The following ZSWIM6 variants were observed in gnomAD, a reference collection of about 807,000 sequenced individuals.
The protein encoded by ZSWIM6 is zinc finger SWIM-type containing 6.
A neutral mutation model predicts 113.2 loss-of-function variants in ZSWIM6; 9 were observed. That is an observed-to-expected ratio of 0.08 (90% CI 0.05 to 0.14). The LOEUF is 0.14. ZSWIM6 is among the 10% of genes least tolerant of loss of function. The probability of loss-of-function intolerance (pLI) is 1.00; values close to 1 mark genes in which losing one functional copy is unlikely to be tolerated. For missense variants in ZSWIM6, 1,162 were observed against 1,552.2 expected (o/e 0.75, Z 4.22); for synonymous variants, 611 against 606.5 (o/e 1.01, Z -0.11).
At chr5:61,333,011 G>GCCCCC in intron 1 of ZSWIM6, 63 bp downstream of exon 1, 6 of 1,003,744 alleles carry the variant, frequency 6.0e-6, no homozygotes, top group Non-Finnish European at 6.2e-6. Context: ...GGGGGGGGGT[G>GCCCCC]CCCGCCTTTC....
At chr5:61,481,575 A>G (rs1442751733) in intron 2 of ZSWIM6, among the ~76,000 whole-genome samples, 2 of 152,020 alleles carry the variant, frequency 1.3e-5, no homozygotes, top group African/African-American at 2.4e-5. Context: ...GTTTTTTACA[A>G]TATCTCTGGC....
chr5:61,395,121 A>G (rs1745811264), intron 1 of ZSWIM6, among the ~76,000 whole-genome samples: 1 of 152,222 alleles, frequency 6.6e-6, no homozygotes, highest in Admixed American at 6.5e-5. Context: ...AAGGGGGTAC[A>G]TTTATAATGC....
At chr5:61,540,916 G>GGTTT (rs1749711320) in intron 12 of ZSWIM6, among the ~76,000 whole-genome samples, 1 of 94,590 alleles carries the variant, frequency 1.1e-5, no homozygotes, top group South Asian at 3.7e-4. Context: ...TATTTTGTGG[G>GGTTT]TTTTTTTTTT....
At chr5:61,491,405 ATCTT>A (rs915792436) in intron 3 of ZSWIM6, among the ~76,000 whole-genome samples, 5 of 152,064 alleles carry the variant, frequency 3.3e-5, no homozygotes, top group Admixed American at 2.6e-4. Context: ...CAAGTTCTAG[ATCTT>A]TCTAAGTATA....
At chr5:61,379,185 GAAAAAAAAAAAAAA>G (rs1211778480) in intron 1 of ZSWIM6, among the ~76,000 whole-genome samples, 1 of 38,592 alleles carries the variant, frequency 2.6e-5, no homozygotes, top group African/African-American at 1.0e-4. Context: ...TCCTGTCTCT[GAAAAAAAAAAAAAA>G]AAAAAAAAAA....
At chr5:61,454,836 G>A (rs1330025685) in intron 1 of ZSWIM6, among the ~76,000 whole-genome samples, 2 of 151,474 alleles carry the variant, frequency 1.3e-5, no homozygotes, top group Admixed American at 1.3e-4. Flanking sequence ...CACCCACCTC[G>A]GCCTCCCAAA....
At chr5:61,408,524 G>C (rs935090815) in intron 1 of ZSWIM6, among the ~76,000 whole-genome samples, 8 of 152,172 alleles carry the variant, frequency 5.3e-5, no homozygotes, top group African/African-American at 1.7e-4. Context: ...TAATTAAATT[G>C]CCTCTTCAGC....
At chr5:61,341,033 G>T (rs936333748) in intron 1 of ZSWIM6, among the ~76,000 whole-genome samples, 2 of 152,252 alleles carry the variant, frequency 1.3e-5, no homozygotes, top group Non-Finnish European at 2.9e-5. Context: ...GTGTCACTAT[G>T]TCATTGATGA....
chr5:61,383,559 G>A (rs1262020356), intron 1 of ZSWIM6, among the ~76,000 whole-genome samples: 1 of 150,438 alleles, frequency 6.6e-6, no homozygotes, highest in Non-Finnish European at 1.5e-5. Context: ...TTTTTGAGAC[G>A]GAATCTCGCT....
chr5:61,511,181 G>A (rs866147034), intron 4 of ZSWIM6, among the ~76,000 whole-genome samples: 29 of 152,074 alleles, frequency 1.9e-4, no homozygotes, highest in Admixed American at 3.9e-4. Context: ...CTTTTAGGAT[G>A]AAACCTCTCT....
At chr5:61,540,653 G>T (rs1299923446) in intron 12 of ZSWIM6, among the ~76,000 whole-genome samples, 1 of 150,642 alleles carries the variant, frequency 6.6e-6, no homozygotes, top group East Asian at 1.9e-4. Flanking sequence ...GAAGTTTTTT[G>T]TTTTTTTTTA....
chr5:61,417,425 C>A (rs1746280084), intron 1 of ZSWIM6, among the ~76,000 whole-genome samples: 1 of 152,092 alleles, frequency 6.6e-6, no homozygotes. Flanking sequence ...CCCAAAGAAG[C>A]CTTCAAATGG....
At chr5:61,500,271 C>CGCT (rs1222724108) in intron 4 of ZSWIM6, among the ~76,000 whole-genome samples, 1 of 151,880 alleles carries the variant, frequency 6.6e-6, no homozygotes, top group Non-Finnish European at 1.5e-5. Flanking sequence ...GGACTACAGG[C>CGCT]GCTGGTTGCC....
At chr5:61,538,482 G>T (rs1276335873) in intron 10 of ZSWIM6, among the ~76,000 whole-genome samples, 1 of 152,072 alleles carries the variant, frequency 6.6e-6, no homozygotes, top group East Asian at 1.9e-4. Context: ...CAAGACCTGT[G>T]TTTAAAAGTT....
At position 61,472,778 on chromosome 5, in the gene ZSWIM6, C is replaced by T. The variant is rs931334321; in HGVS notation, c.774C>T (p.Thr258=). 1 of 1,551,716 alleles carries T rather than the reference C, an allele frequency of 6.4e-7. No individual in the cohort carries two copies. The highest frequency in any genetic ancestry group is 1.4e-5 in the African/African-American group (1 of 73,166). ...VAISFDRCKI[T]SVTCSCGNKD... is the part of the protein sequence containing the mutation. ...TCAGCTTTGATCGTTGCAAGATTACCTCAGTGACCTGCAGCTGTGGAAACA... is the reference window on the plus strand; with the variant it reads ...TCAGCTTTGATCGTTGCAAGATTACTTCAGTGACCTGCAGCTGTGGAAACA... Residue 258 remains threonine, a synonymous_variant, in exon 2 of 14, where the codon ACC becomes ACT. Transcript: ENST00000252744. The surrounding 1 kb of genome is among the most constrained non-coding windows in gnomAD (Gnocchi z 4.1).
intron 1 of ZSWIM6, among the ~76,000 whole-genome samples, chr5:61,341,873 CTTTTTTT>C (rs35227918): frequency 2.1e-5 from 2 of 94,704 alleles, no homozygotes; most frequent in African/African-American, 4.2e-5. Context: ...TCTCTGTAAC[CTTTTTTT>C]TTTTTTTTTT....
intron 1 of ZSWIM6, among the ~76,000 whole-genome samples, chr5:61,364,875 C>T (rs1244038394): frequency 2.6e-5 from 4 of 152,082 alleles, no homozygotes. Context: ...TTTGGGGGGA[C>T]AAAAACATTC....
In ZSWIM6 at chr5:61,332,968, C is replaced by T. The variant is rs979325646; in HGVS notation, c.676+20C>T. 8.1e-7 allele frequency: 1 copy of T among 1,234,634 alleles called. No individual in the cohort carries two copies. The highest frequency in any genetic ancestry group is 1.6e-5 in the African/African-American group (1 of 61,486). The allele number at this position is 1,234,634 out of a possible 1,614,324, so 76.5% of individuals were successfully genotyped here. On this transcript the variant is annotated intron_variant, in intron 1 of 13. Transcript: ENST00000252744. ...AAGTCGGTGAGTCACGGGGCAGCCG[C>T]GAGCCGTCTGTCCGTCCGTCAGTCC... is the stretch of plus-strand genomic sequence containing the variant.
chr5:61,429,579 G>A (rs1197300357), intron 1 of ZSWIM6, among the ~76,000 whole-genome samples: 4 of 152,160 alleles, frequency 2.6e-5, no homozygotes, highest in African/African-American at 9.7e-5. Context: ...CAATATGAGT[G>A]GATGTAAATA....
Sources: allele counts gnomAD v4.1 joint callset (sites outside exome capture counted in the v4.1 genomes callset), GRCh38; gene constraint gnomAD v4.1.1; non-coding constraint Gnocchi (gnomAD v3.1); transcripts MANE v1.5; gene names NCBI Gene and HGNC (gene_info 2026-07-23, HGNC 2026-07-21).